MARCHF1: variants seen among roughly 807,000 people sequenced by gnomAD.
MARCHF1 encodes the protein E3 ubiquitin-protein ligase MARCHF1.
MARCHF1 carries 40 observed loss-of-function variants against 54.2 expected under a neutral mutation model. The ratio of observed to expected loss-of-function variants is 0.74; its 90% CI spans 0.57 to 0.96. MARCHF1 has a LOEUF of 0.96. Ranked by LOEUF, MARCHF1 falls within the 40% of genes least tolerant of loss-of-function variation. The pLI is 0.00. For missense variants in MARCHF1, 586 were observed against 656.5 expected, an observed-to-expected ratio of 0.89 and a Z score of 1.17; for synonymous variants, 236 against 236.3, an observed-to-expected ratio of 1.00 and a Z score of 0.01.
Position 164,057,154 on chromosome 4 carries a change from A to G in MARCHF1, c.-248+54434T>C, listed in dbSNP as rs148473388. ...TTGCTCTTTAAACAAGGAGCTTTAT[A>G]TTTTCACACTGCAGAAGGCCCCACA... is the stretch of plus-strand genomic sequence containing the variant. On this transcript the variant is annotated intron_variant, in intron 2 of 9. Transcript: ENST00000514618. 6.0e-3 allele frequency among the ~76,000 whole-genome samples: 916 copies of G among 152,292 alleles called. 8 individuals carry two copies. The highest frequency in any genetic ancestry group is 0.021 in the African/African-American group (874 of 41,548).
intron 1 of MARCHF1, among the ~76,000 whole-genome samples, chr4:164,337,829 G>A (rs1383822220): frequency 4.6e-5 from 7 of 151,624 alleles, no homozygotes; most frequent in African/African-American, 1.7e-4. Context: ...TCACCCTGGG[G>A]GAAAAAAAAA....
chr4:164,359,429 C>T (rs1007928251), intron 1 of MARCHF1, among the ~76,000 whole-genome samples: 8 of 152,182 alleles, frequency 5.3e-5, no homozygotes, highest in African/African-American at 1.9e-4. Flanking sequence ...AATCCCTGAA[C>T]TGCTTCCTCT....
In MARCHF1 at chr4:163,556,100, AT is replaced by A. The variant is rs33943246; in HGVS notation, c.1192-10358del. 11 of 353,370 alleles carry A rather than the reference AT, an allele frequency of 3.1e-5. No individual in the cohort carries two copies. In the East Asian group the frequency reaches 6.1e-4, roughly 20 times the overall value. 21.9% of individuals were successfully genotyped at this position (353,370 alleles called of 1,614,324 possible). Reference sequence around the variant, plus strand: ...AGTCATTATTAGATGACATTATTAGATTTTTTTTCGTTCAGGAGCTAATTAT... The same window carrying A: ...AGTCATTATTAGATGACATTATTAGATTTTTTTCGTTCAGGAGCTAATTAT... On this transcript the variant is annotated intron_variant, in intron 8 of 9. Coordinates refer to ENST00000514618, the MANE Select transcript of MARCHF1 (RefSeq NM_001394959.1).
intron 1 of MARCHF1, among the ~76,000 whole-genome samples, chr4:164,333,915 T>C (rs1161289098): frequency 1.3e-5 from 2 of 152,238 alleles, no homozygotes; most frequent in Admixed American, 6.5e-5. Context: ...AACAGTCTTA[T>C]CTGAGTGGTC....
chr4:164,145,472 C>A lies in MARCHF1; in HGVS notation c.-322-33810G>T, dbSNP rs548520670. On this transcript the variant is annotated intron_variant, in intron 1 of 9. Transcript: ENST00000514618. ...AGCAGCACATCAAAAAGCTTATCCA[C>A]CATGATCAAGTGGGCTTCATCCCTG... 1.8e-3 allele frequency among the ~76,000 whole-genome samples: 277 copies of A among 152,030 alleles called. 1 individual carries two copies. The highest frequency in any genetic ancestry group is 6.5e-3 in the African/African-American group (269 of 41,446).
chr4:163,631,090 T>C (rs990369301), intron 5 of MARCHF1, among the ~76,000 whole-genome samples: 2 of 152,190 alleles, frequency 1.3e-5, no homozygotes, highest in African/African-American at 4.8e-5. Context: ...CTTTGCTAAG[T>C]TGGTTTTCAA....
At chr4:163,819,399 C>T (rs1267186164) in intron 4 of MARCHF1, among the ~76,000 whole-genome samples, 2 of 152,114 alleles carry the variant, frequency 1.3e-5, no homozygotes, top group African/African-American at 4.8e-5. Context: ...CATCTGAATT[C>T]TGTGTCTTCT....
chr4:164,144,855 A>AC, intron 1 of MARCHF1, among the ~76,000 whole-genome samples: 1 of 113,680 alleles, frequency 8.8e-6, no homozygotes, highest in Non-Finnish European at 1.8e-5. Flanking sequence ...GACACAAAAA[A>AC]CCCTTCAAAA....
At chr4:164,045,978 G>A (rs537827758) in intron 2 of MARCHF1, among the ~76,000 whole-genome samples, 3 of 152,178 alleles carry the variant, frequency 2.0e-5, no homozygotes, top group Non-Finnish European at 4.4e-5. Flanking sequence ...GAAGACACAA[G>A]ATTCCTAAAT....
At chr4:164,199,271 T>C (rs1169156604) in intron 1 of MARCHF1, among the ~76,000 whole-genome samples, 1 of 152,220 alleles carries the variant, frequency 6.6e-6, no homozygotes, top group Non-Finnish European at 1.5e-5. Context: ...ATATAGCTTA[T>C]ACAATAAACT....
chr4:164,183,581 G>A (rs62347972), intron 1 of MARCHF1, among the ~76,000 whole-genome samples: 58,684 of 152,038 alleles, frequency 0.39, 12,676 homozygotes, highest in Non-Finnish European at 0.49. Flanking sequence ...AATACCCTAC[G>A]TTTTCTTCCA....
chr4:163,559,780 G>A (rs920007057), intron 8 of MARCHF1, among the ~76,000 whole-genome samples: 2 of 152,146 alleles, frequency 1.3e-5, no homozygotes, highest in African/African-American at 4.8e-5. Context: ...CCTTGCCACA[G>A]TTTCTCTCTC....
chr4:163,777,946 A>G (rs574171754), intron 4 of MARCHF1, among the ~76,000 whole-genome samples: 1 of 152,292 alleles, frequency 6.6e-6, no homozygotes, highest in South Asian at 2.1e-4. Context: ...CCGCCAAATT[A>G]GTGGCCATTG....
intron 2 of MARCHF1, among the ~76,000 whole-genome samples, chr4:164,033,254 T>C (rs1262503990): frequency 1.3e-5 from 2 of 151,556 alleles, no homozygotes; most frequent in Non-Finnish European, 2.9e-5. Context: ...CCCTTCCCTA[T>C]ACCTTATACA....
chr4:164,343,813 C>A (rs34161230), intron 1 of MARCHF1, among the ~76,000 whole-genome samples: 5,940 of 152,168 alleles, frequency 0.039, 158 homozygotes, highest in Middle Eastern at 0.068. Flanking sequence ...TGGAAAGCAG[C>A]GTGGTGATTT....
At chr4:163,905,090 CCTAAAGGT>C in intron 3 of MARCHF1, among the ~76,000 whole-genome samples, 1 of 151,866 alleles carries the variant, frequency 6.6e-6, no homozygotes. Flanking sequence ...GATAATGATC[CCTAAAGGT>C]CTTACTTTGA....
At chr4:163,615,474 T>C (rs1741479859) in intron 5 of MARCHF1, among the ~76,000 whole-genome samples, 1 of 151,870 alleles carries the variant, frequency 6.6e-6, no homozygotes, top group Non-Finnish European at 1.5e-5. Context: ...GAAATCCCAT[T>C]TATAATGATG....
intron 4 of MARCHF1, among the ~76,000 whole-genome samples, chr4:163,817,795 G>C (rs1579310927): frequency 6.6e-6 from 1 of 151,876 alleles, no homozygotes; most frequent in African/African-American, 2.4e-5. Flanking sequence ...AAAAGGATGA[G>C]TTCATGTCCT....
At chr4:163,689,963 C>T (rs762677090) in intron 5 of MARCHF1, among the ~76,000 whole-genome samples, 1 of 152,144 alleles carries the variant, frequency 6.6e-6, no homozygotes, top group Non-Finnish European at 1.5e-5. Flanking sequence ...TGGCTCTAAG[C>T]TCTTGCTCTG....
Sources: gnomAD v4.1 joint callset for allele counts (sites outside exome capture counted in the v4.1 genomes callset) on GRCh38, gnomAD v4.1.1 for gene constraint, MANE v1.5 for transcripts, NCBI Gene and HGNC (gene_info 2026-07-23, HGNC 2026-07-21) for gene names.